Variants in GLI3 observed in about 807,000 individuals in gnomAD.
GLI3 encodes the protein GLI family zinc finger 3.
In GLI3, 20 loss-of-function variants were observed where a neutral mutation model predicts 100.8. That is an observed-to-expected ratio of 0.20 (90% CI 0.14 to 0.29). The LOEUF is 0.29. Ranked by LOEUF, GLI3 falls within the 10% of genes least tolerant of loss-of-function variation. GLI3 has a pLI of 1.00. For synonymous variants in GLI3, 938 were observed against 860.5 expected, an observed-to-expected ratio of 1.09 and a Z score of -1.58; for missense variants, 2,040 against 2,128.5, an observed-to-expected ratio of 0.96 and a Z score of 0.82.
At chr7:42,164,721 T>A (rs940502847) in intron 2 of GLI3, among the ~76,000 whole-genome samples, 55 of 151,434 alleles carry the variant, frequency 3.6e-4, no homozygotes, top group African/African-American at 1.3e-3. Context: ...TCCCAGCTAT[T>A]CGGGAGGCTG....
intron 3 of GLI3, among the ~76,000 whole-genome samples, chr7:42,144,881 C>A (rs1786664562): frequency 6.6e-6 from 1 of 152,154 alleles, no homozygotes. Context: ...TTGACCGGCT[C>A]AGCAGAGCTA....
chr7:42,247,995 T>C (rs949389976), intron 1 of GLI3, among the ~76,000 whole-genome samples: 2 of 152,194 alleles, frequency 1.3e-5, no homozygotes, highest in African/African-American at 2.4e-5. Flanking sequence ...ATATGTACCA[T>C]GAAGAAATAC....
At chr7:41,985,376 G>C (rs73099015) in intron 10 of GLI3, among the ~76,000 whole-genome samples, 1,937 of 152,218 alleles carry the variant, frequency 0.013, 25 homozygotes, top group Non-Finnish European at 0.022. Flanking sequence ...GGATTTGCTG[G>C]GGAAAGATAT....
rs554618683 is a variant in GLI3, at chr7:42,123,656, C to A, written c.367+24570G>T. Among the ~76,000 whole-genome samples the A allele has an allele frequency of 8.9e-4, 136 of 152,232 alleles. 2 individuals are homozygous for A. The highest frequency in any genetic ancestry group is 3.1e-3 in the African/African-American group (129 of 41,532). ...CTAAATTGATGTCATCATAAATATT[C>A]AATTTTATTTTTAAGTAATTACCAA... On this transcript the variant is annotated intron_variant, in intron 3 of 14. Coordinates refer to ENST00000395925, the MANE Select transcript of GLI3 (RefSeq NM_000168.6).
intron 13 of GLI3, among the ~76,000 whole-genome samples, chr7:41,968,611 T>G (rs1787252584): frequency 6.6e-6 from 1 of 151,086 alleles, no homozygotes. Context: ...TCAACCAAGG[T>G]GTCAGTAAAA....
At chr7:41,980,037 A>G (rs1378818669) in intron 10 of GLI3, among the ~76,000 whole-genome samples, 1 of 152,240 alleles carries the variant, frequency 6.6e-6, no homozygotes, top group Non-Finnish European at 1.5e-5. Context: ...CTGGAGTTTA[A>G]AACTGGGTGA....
chr7:42,014,689 G>A (rs1224807840), intron 10 of GLI3, among the ~76,000 whole-genome samples: 1 of 151,988 alleles, frequency 6.6e-6, no homozygotes, highest in African/African-American at 2.4e-5. Flanking sequence ...CTTGTACATC[G>A]ATAGTACTCA....
chr7:42,085,882 G>A (rs1187836857), intron 3 of GLI3, among the ~76,000 whole-genome samples: 1 of 152,188 alleles, frequency 6.6e-6, no homozygotes, highest in Non-Finnish European at 1.5e-5. Context: ...GAAATATTTG[G>A]AAGTCTCTGG....
At chr7:42,114,307 T>C (rs1562737621) in intron 3 of GLI3, among the ~76,000 whole-genome samples, 1 of 152,248 alleles carries the variant, frequency 6.6e-6, no homozygotes, top group Non-Finnish European at 1.5e-5. Flanking sequence ...TTTCTGATTA[T>C]TGGTAGTCCA....
chr7:42,212,463 T>G (rs3801230), intron 2 of GLI3, among the ~76,000 whole-genome samples: 1 of 152,320 alleles, frequency 6.6e-6, no homozygotes, highest in East Asian at 1.9e-4. Flanking sequence ...TTAACCCAAT[T>G]TATAAAGAAG....
chr7:42,244,638 C>T (rs1437740230), intron 1 of GLI3, among the ~76,000 whole-genome samples: 1 of 151,800 alleles, frequency 6.6e-6, no homozygotes, highest in Non-Finnish European at 1.5e-5. Context: ...GGTTAGTTAG[C>T]CTGGATTATC....
At chr7:42,182,662 A>ATATATATATATATACACATGTGTG (rs1554337069) in intron 2 of GLI3, among the ~76,000 whole-genome samples, 1 of 76,742 alleles carries the variant, frequency 1.3e-5, no homozygotes, top group African/African-American at 6.7e-5. Flanking sequence ...ATATATATAT[A>ATATATATATATATACACATGTGTG]TATATATATA....
intron 4 of GLI3, among the ~76,000 whole-genome samples, chr7:42,068,635 G>A (rs1784723390): frequency 6.6e-6 from 1 of 152,162 alleles, no homozygotes; most frequent in Non-Finnish European, 1.5e-5. Context: ...GGATGGGGAT[G>A]CAACAATAAC....
chr7:42,255,794 G>A (rs1789079742), intron 1 of GLI3, among the ~76,000 whole-genome samples: 1 of 152,106 alleles, frequency 6.6e-6, no homozygotes, highest in East Asian at 1.9e-4. Context: ...GCTTTGTGTG[G>A]ACATATGTCT....
rs112593678 is a variant in GLI3 at position 41,987,101 on chromosome 7, G to C, written c.1498-8353C>G. On this transcript the variant is annotated intron_variant, in intron 10 of 14. Transcript: ENST00000395925. ...TACAACATACACAGACACAGACACA[G>C]ACACACACACACACACACACACACA... 6.2e-3 allele frequency among the ~76,000 whole-genome samples: 867 copies of C among 140,706 alleles called. 9 individuals carry two copies. Among genetic ancestry groups the C allele is most frequent in the African/African-American group, 0.021 (804 of 38,126 alleles). 92.3% of individuals were successfully genotyped at this position (140,706 alleles called of 152,430 possible).
At chr7:42,010,291 G>A (rs1369979647) in intron 10 of GLI3, among the ~76,000 whole-genome samples, 1 of 152,222 alleles carries the variant, frequency 6.6e-6, no homozygotes, top group Non-Finnish European at 1.5e-5. Context: ...ATGTGAGGCT[G>A]CGGCTTAAAG....
In GLI3 at chr7:42,096,551, G is replaced by A. The variant is rs111743616; in HGVS notation, c.368-19694C>T. Among the ~76,000 whole-genome samples, 1,466 of 152,316 alleles carry A rather than the reference G, an allele frequency of 9.6e-3. 17 individuals are homozygous for A. Among genetic ancestry groups the A allele is most frequent in the African/African-American group, 0.033 (1,355 of 41,568 alleles). On this transcript the variant is annotated intron_variant, in intron 3 of 14. Coordinates refer to ENST00000395925, the MANE Select transcript of GLI3 (RefSeq NM_000168.6). The stretch of plus-strand genomic sequence containing the variant: ...TCTTGGGAGTTTCAGCCTGAAGGAC[G>A]CATTCAAAGCGGTCACACCTTTGCT...
intron 3 of GLI3, among the ~76,000 whole-genome samples, chr7:42,107,882 C>A (rs1218521869): frequency 1.3e-5 from 2 of 152,170 alleles, no homozygotes; most frequent in Admixed American, 1.3e-4. Flanking sequence ...AAATAACCAA[C>A]CTTGCCGGTG....
At chr7:42,094,100 C>T (rs988726106) in intron 3 of GLI3, among the ~76,000 whole-genome samples, 1 of 152,168 alleles carries the variant, frequency 6.6e-6, no homozygotes, top group African/African-American at 2.4e-5. Context: ...GAAGGAGTCA[C>T]AGTATTTCCC....
Sources: allele counts gnomAD v4.1 joint callset (sites outside exome capture counted in the v4.1 genomes callset), GRCh38; gene constraint gnomAD v4.1.1; transcripts MANE v1.5; gene names NCBI Gene and HGNC (gene_info 2026-07-23, HGNC 2026-07-21).